CADPS2: variants seen among roughly 807,000 people sequenced by gnomAD.
CADPS2 encodes the protein calcium-dependent secretion activator 2.
A neutral mutation model predicts 172.5 loss-of-function variants in CADPS2; 93 were observed. That is an observed-to-expected ratio of 0.54 (90% confidence interval 0.46 to 0.64). The LOEUF (loss-of-function observed/expected upper bound fraction) is 0.64. Among genes scored for constraint, CADPS2 ranks in the 30% least tolerant of loss-of-function variants. The probability of loss-of-function intolerance (pLI) is 0.00; values close to 1 mark genes in which losing one functional copy is unlikely to be tolerated. For missense variants in CADPS2, 1,420 were observed against 1,565.9 expected (o/e 0.91, Z 1.57); for synonymous variants, 546 against 555.2 (o/e 0.98, Z 0.23).
intron 1 of CADPS2, among the ~76,000 whole-genome samples, chr7:122,765,957 C>G (rs2093537645): frequency 6.6e-6 from 1 of 152,038 alleles, no homozygotes; most frequent in Admixed American, 6.6e-5. Context: ...GTTGCTTTAA[C>G]AGAATACCTG....
chr7:122,645,053 C>T (rs1275959767), intron 3 of CADPS2, among the ~76,000 whole-genome samples: 2 of 151,680 alleles, frequency 1.3e-5, no homozygotes, highest in Non-Finnish European at 2.9e-5. Flanking sequence ...TAAAATTACC[C>T]TATGTGAACT....
At chr7:122,367,343 G>C (rs1042860037) in intron 25 of CADPS2, among the ~76,000 whole-genome samples, 1 of 151,292 alleles carries the variant, frequency 6.6e-6, no homozygotes, top group Admixed American at 6.6e-5. Flanking sequence ...TATCAATATA[G>C]TTGTGGGAAA....
chr7:122,455,220 C>T (rs1264393791), intron 14 of CADPS2, among the ~76,000 whole-genome samples: 1 of 152,062 alleles, frequency 6.6e-6, no homozygotes, highest in Non-Finnish European at 1.5e-5. Flanking sequence ...GCTGCTTCTG[C>T]CTGAGAGTGC....
At chr7:122,774,239 CAA>C (rs1484579920) in intron 1 of CADPS2, among the ~76,000 whole-genome samples, 1 of 147,776 alleles carries the variant, frequency 6.8e-6, no homozygotes, top group Non-Finnish European at 1.5e-5. Flanking sequence ...TCTTCAACAA[CAA>C]ATATATATAT....
At chr7:122,790,953 C>T (rs1006366420) in intron 1 of CADPS2, among the ~76,000 whole-genome samples, 7 of 152,052 alleles carry the variant, frequency 4.6e-5, no homozygotes, top group South Asian at 2.1e-4. Context: ...AATGGTAGCA[C>T]CCAAAATACG....
At chr7:122,560,551 A>T (rs997246803) in intron 7 of CADPS2, among the ~76,000 whole-genome samples, 1 of 152,188 alleles carries the variant, frequency 6.6e-6, no homozygotes, top group African/African-American at 2.4e-5. Context: ...CAGAGGAAGA[A>T]GGAACTAAAA....
At chr7:122,343,382 A>G (rs2037081992) in intron 28 of CADPS2, among the ~76,000 whole-genome samples, 1 of 152,222 alleles carries the variant, frequency 6.6e-6, no homozygotes, top group Non-Finnish European at 1.5e-5. Context: ...ATGAAAGTAT[A>G]TATAACCAAG....
At position 122,372,042 on chromosome 7, in the gene CADPS2, ACT is replaced by A. The variant is rs2041834373; in HGVS notation, c.3387+7324_3387+7325del. ...ACAATGCATTGGCCACTGTTCTAAG[ACT>A]CTATCTGTATTAACATACTTACTAT... On this transcript the variant is annotated intron_variant, in intron 25 of 29. Coordinates refer to ENST00000449022, the MANE Select transcript of CADPS2 (RefSeq NM_017954.11). Among the ~76,000 whole-genome samples, 3 of 152,224 alleles carry A rather than the reference ACT, an allele frequency of 2.0e-5. No homozygotes were observed. The East Asian group carries it at 5.8e-4, about 29-fold the overall frequency.
intron 8 of CADPS2, among the ~76,000 whole-genome samples, chr7:122,535,935 C>T (rs1586949726): frequency 6.6e-6 from 1 of 152,062 alleles, no homozygotes; most frequent in South Asian, 2.1e-4. Context: ...AAACCCTAGA[C>T]TATTAGCACC....
intron 2 of CADPS2, chr7:122,697,714 C>A: frequency 8.7e-7 from 1 of 1,146,334 alleles, no homozygotes. Context: ...ACACTTCAAA[C>A]AGACAAACTG....
At chr7:122,800,029 C>T (rs1034056014) in intron 1 of CADPS2, among the ~76,000 whole-genome samples, 4 of 152,190 alleles carry the variant, frequency 2.6e-5, no homozygotes, top group Admixed American at 2.0e-4. Context: ...TAGAAAACCA[C>T]ATCATATGCA....
chr7:122,351,066 A>T (rs1363913001), intron 27 of CADPS2, among the ~76,000 whole-genome samples: 1 of 151,970 alleles, frequency 6.6e-6, no homozygotes, highest in Non-Finnish European at 1.5e-5. Context: ...AATGAAAAAA[A>T]ATCTCATTGT....
At chr7:122,375,256 G>A (rs886874150) in intron 25 of CADPS2, among the ~76,000 whole-genome samples, 2 of 151,860 alleles carry the variant, frequency 1.3e-5, no homozygotes, top group African/African-American at 2.4e-5. Context: ...ACAATTCCGA[G>A]CAAAAGAATA....
At chr7:122,418,896 T>A (rs146598562) in intron 17 of CADPS2, among the ~76,000 whole-genome samples, 1 of 152,360 alleles carries the variant, frequency 6.6e-6, no homozygotes, top group African/African-American at 2.4e-5. Context: ...AATTGTGCAT[T>A]GTAAAATCTA....
At chr7:122,520,329 G>A (rs1294577635) in intron 8 of CADPS2, among the ~76,000 whole-genome samples, 2 of 151,340 alleles carry the variant, frequency 1.3e-5, no homozygotes, top group East Asian at 1.9e-4. Flanking sequence ...CATAGTACCC[G>A]GTTGAATGTG....
intron 1 of CADPS2, among the ~76,000 whole-genome samples, chr7:122,863,396 T>C (rs1020153792): frequency 1.3e-5 from 2 of 152,210 alleles, no homozygotes; most frequent in East Asian, 3.8e-4. Context: ...TTATTCATCA[T>C]GCATTTCAGA....
chr7:122,630,433 G>A (rs2076471168), intron 3 of CADPS2, among the ~76,000 whole-genome samples: 1 of 152,080 alleles, frequency 6.6e-6, no homozygotes, highest in Admixed American at 6.6e-5. Flanking sequence ...GTCTGGAGGT[G>A]AGGAGGTAAA....
At chr7:122,767,233 T>C (rs2093580468) in intron 1 of CADPS2, among the ~76,000 whole-genome samples, 1 of 152,212 alleles carries the variant, frequency 6.6e-6, no homozygotes, top group African/African-American at 2.4e-5. Context: ...TCCTGGGTTT[T>C]AGACACTAAA....
intron 6 of CADPS2, among the ~76,000 whole-genome samples, chr7:122,605,759 C>T (rs1325999214): frequency 6.6e-6 from 1 of 152,036 alleles, no homozygotes; most frequent in Non-Finnish European, 1.5e-5. Flanking sequence ...CACAAATGTG[C>T]ATTTATAATA....
Sources: gnomAD v4.1 joint callset for allele counts (sites outside exome capture counted in the v4.1 genomes callset) on GRCh38, gnomAD v4.1.1 for gene constraint, MANE v1.5 for transcripts, NCBI Gene and HGNC (gene_info 2026-07-23, HGNC 2026-07-21) for gene names.